The following MYO3B variants were observed in gnomAD, a reference collection of about 807,000 sequenced individuals.
The protein encoded by MYO3B is myosin IIIB.
MYO3B carries 156 observed loss-of-function variants against 174.6 expected under a neutral mutation model. The ratio of observed to expected loss-of-function variants is 0.89; its 90% CI spans 0.78 to 1.02. The LOEUF (loss-of-function observed/expected upper bound fraction) is 1.02. Ranked by LOEUF, MYO3B falls within the 50% of genes least tolerant of loss-of-function variation. The probability of loss-of-function intolerance (pLI) is 0.00; values close to 1 mark genes in which losing one functional copy is unlikely to be tolerated. For missense variants in MYO3B, 1,632 were observed against 1,639.4 expected (o/e 1.00, Z 0.08); for synonymous variants, 563 against 569.1 (o/e 0.99, Z 0.15).
At chr2:170,224,516 T>C (rs1440428323) in intron 6 of MYO3B, among the ~76,000 whole-genome samples, 1 of 152,006 alleles carries the variant, frequency 6.6e-6, no homozygotes, top group Non-Finnish European at 1.5e-5. Context: ...ATAGTGGAAG[T>C]ATACTCTGAA....
intron 32 of MYO3B, among the ~76,000 whole-genome samples, chr2:170,621,797 C>G (rs1695941508): frequency 6.6e-6 from 1 of 152,138 alleles, no homozygotes; most frequent in Non-Finnish European, 1.5e-5. Context: ...CCGTGAGCCA[C>G]CAGGCATTAG....
chr2:170,562,705 T>C (rs1691793026), intron 32 of MYO3B, among the ~76,000 whole-genome samples: 1 of 152,224 alleles, frequency 6.6e-6, no homozygotes, highest in African/African-American at 2.4e-5. Context: ...CTGCCTCCTG[T>C]AAAATGATTG....
chr2:170,639,802 T>C (rs1229752272), intron 32 of MYO3B, among the ~76,000 whole-genome samples: 1 of 152,180 alleles, frequency 6.6e-6, no homozygotes. Flanking sequence ...TGAACAGCAC[T>C]GTACCTCTGG....
intron 22 of MYO3B, among the ~76,000 whole-genome samples, chr2:170,409,883 C>T (rs1247640565): frequency 6.6e-6 from 1 of 152,206 alleles, no homozygotes; most frequent in Admixed American, 6.5e-5. Context: ...CAGAATATTA[C>T]TTTTCTAAAT....
Position 170,602,316 on chromosome 2 carries a change from A to G in MYO3B, c.3734-49312A>G, listed in dbSNP as rs11885922. 4,856 of 699,246 alleles carry G rather than the reference A, an allele frequency of 6.9e-3. 159 individuals carry two copies. In the African/African-American group the frequency reaches 0.073, roughly 11 times the overall value. The allele number at this position is 699,246 out of a possible 1,614,324, so 43.3% of individuals were successfully genotyped here. On this transcript the variant is annotated intron_variant, in intron 32 of 34. Coordinates refer to ENST00000408978, the MANE Select transcript of MYO3B (RefSeq NM_138995.5). ...CCCGGCACTGTCTCTGTGGAGCTCAATGTACTGCAGTGGCTGTGAGAGTGG... is the reference window on the plus strand; with the variant it reads ...CCCGGCACTGTCTCTGTGGAGCTCAGTGTACTGCAGTGGCTGTGAGAGTGG...
chr2:170,480,401 A>G (rs1443663369), intron 25 of MYO3B, among the ~76,000 whole-genome samples: 1 of 152,182 alleles, frequency 6.6e-6, no homozygotes, highest in Non-Finnish European at 1.5e-5. Context: ...TGGCACACCC[A>G]AGCAAGGCAT....
intron 1 of MYO3B, among the ~76,000 whole-genome samples, chr2:170,181,980 G>A (rs1383196172): frequency 6.6e-6 from 1 of 152,008 alleles, no homozygotes; most frequent in Non-Finnish European, 1.5e-5. Context: ...ATTTACTAGT[G>A]AGATTTAGCA....
intron 9 of MYO3B, among the ~76,000 whole-genome samples, chr2:170,372,270 G>A (rs1477205270): frequency 6.6e-6 from 1 of 151,980 alleles, no homozygotes; most frequent in East Asian, 1.9e-4. Context: ...TTATTTTGAG[G>A]GTTAAGTGAG....
At chr2:170,429,358 T>C (rs1248262700) in intron 22 of MYO3B, among the ~76,000 whole-genome samples, 1 of 152,182 alleles carries the variant, frequency 6.6e-6, no homozygotes, top group Non-Finnish European at 1.5e-5. Flanking sequence ...ACCATCCACC[T>C]TTGGCCACAC....
Position 170,516,275 on chromosome 2 carries a change from C to G in MYO3B, c.3472+1253C>G, listed in dbSNP as rs1375209220. Among the ~76,000 whole-genome samples, 6 of 152,084 alleles carry G rather than the reference C, an allele frequency of 3.9e-5. No homozygotes were observed. The South Asian group carries it at 1.2e-3, about 32-fold the overall frequency. On this transcript the variant is annotated intron_variant, in intron 29 of 34. Transcript: ENST00000408978. ...GCCCCCAAAGGCATTTGCAACACCT[C>G]CTAATGGTGTTCTTGGTGTTTTTTG...
At chr2:170,310,676 A>AAAAAG (rs1228286057) in intron 7 of MYO3B, among the ~76,000 whole-genome samples, 1 of 151,238 alleles carries the variant, frequency 6.6e-6, no homozygotes, top group Admixed American at 6.6e-5. Context: ...AAAAAAAAAA[A>AAAAAG]AAAAAAAAAA....
chr2:170,298,835 A>G (rs1239174715), intron 7 of MYO3B, among the ~76,000 whole-genome samples: 1 of 152,118 alleles, frequency 6.6e-6, no homozygotes, highest in Non-Finnish European at 1.5e-5. Flanking sequence ...CAGACCACAT[A>G]TATGACAGTG....
At chr2:170,438,257 T>A (rs980794876) in intron 22 of MYO3B, among the ~76,000 whole-genome samples, 23 of 152,202 alleles carry the variant, frequency 1.5e-4, no homozygotes, top group African/African-American at 5.3e-4. Flanking sequence ...TATGGCAGGA[T>A]TTCCTTGTTT....
chr2:170,370,887 T>G (rs1032958958), intron 9 of MYO3B, among the ~76,000 whole-genome samples: 3 of 141,534 alleles, frequency 2.1e-5, no homozygotes, highest in African/African-American at 9.5e-5. Context: ...ATCTATGCTC[T>G]CTCTCTCTCT....
chr2:170,341,624 C>A (rs1015845437), intron 8 of MYO3B, among the ~76,000 whole-genome samples: 1 of 152,122 alleles, frequency 6.6e-6, no homozygotes, highest in Non-Finnish European at 1.5e-5. Flanking sequence ...AATAAAAACT[C>A]ATGGAGAAGC....
chr2:170,322,069 A>T (rs1341973013), intron 7 of MYO3B, among the ~76,000 whole-genome samples: 1 of 149,086 alleles, frequency 6.7e-6, no homozygotes, highest in Non-Finnish European at 1.5e-5. Context: ...AGCCAAGATC[A>T]CGCCACTGTG....
chr2:170,228,296 A>G (rs1232017444), intron 6 of MYO3B, among the ~76,000 whole-genome samples: 1 of 152,186 alleles, frequency 6.6e-6, no homozygotes, highest in Non-Finnish European at 1.5e-5. Flanking sequence ...AGACAAATCA[A>G]CTGACTCTCC....
chr2:170,262,790 G>T (rs2093355115), intron 7 of MYO3B, among the ~76,000 whole-genome samples: 1 of 152,138 alleles, frequency 6.6e-6, no homozygotes, highest in Admixed American at 6.5e-5. Flanking sequence ...ACTCCTTTGT[G>T]TATTTAGGGC....
intron 30 of MYO3B, among the ~76,000 whole-genome samples, chr2:170,534,736 C>G (rs1271001073): frequency 6.6e-6 from 1 of 152,182 alleles, no homozygotes; most frequent in Admixed American, 6.5e-5. Context: ...CACCCACACC[C>G]AGCCTCAGTG....
Sources: gnomAD v4.1 joint callset for allele counts (sites outside exome capture counted in the v4.1 genomes callset) on GRCh38, gnomAD v4.1.1 for gene constraint, MANE v1.5 for transcripts, NCBI Gene and HGNC (gene_info 2026-07-23, HGNC 2026-07-21) for gene names.